SYT2: variants seen among roughly 807,000 people sequenced by gnomAD.
SYT2 encodes the protein synaptotagmin-2.
In SYT2, 15 loss-of-function variants were observed where a neutral mutation model predicts 39.9. The observed-to-expected ratio is 0.38, with a 90% CI of 0.25 to 0.58. The LOEUF is 0.58. SYT2 is among the 20% of genes least tolerant of loss of function. The pLI is 0.70. For synonymous variants in SYT2, 181 were observed against 204.5 expected, an observed-to-expected ratio of 0.89 and a Z score of 0.98; for missense variants, 389 against 530.3, an observed-to-expected ratio of 0.73 and a Z score of 2.62.
At chr1:202,673,271 A>C (rs1653220900) in intron 1 of SYT2, among the ~76,000 whole-genome samples, 1 of 152,236 alleles carries the variant, frequency 6.6e-6, no homozygotes, top group African/African-American at 2.4e-5. Context: ...AATAAACAGC[A>C]AGACCCTGTG....
At chr1:202,678,613 A>G (rs749990494) in intron 1 of SYT2, among the ~76,000 whole-genome samples, 1 of 151,954 alleles carries the variant, frequency 6.6e-6, no homozygotes, top group Middle Eastern at 3.4e-3. Flanking sequence ...CCCCCTCCCT[A>G]TAGGCCTCGA....
chr1:202,634,469 G>A (rs755064075), intron 1 of SYT2, among the ~76,000 whole-genome samples: 17 of 152,078 alleles, frequency 1.1e-4, no homozygotes, highest in Non-Finnish European at 2.2e-4. Context: ...CTCCAGCCTG[G>A]GCAACAAGAG....
At chr1:202,642,327 G>GGCAGGC (rs1370963440) in intron 1 of SYT2, among the ~76,000 whole-genome samples, 1 of 151,818 alleles carries the variant, frequency 6.6e-6, no homozygotes, top group Non-Finnish European at 1.5e-5. Context: ...CAGAGGCTCG[G>GGCAGGC]GCAGGCGTGC....
rs184494147 is a variant in SYT2 at position 202,623,175 on chromosome 1, G to A, written c.-17-17386C>T. On this transcript the variant is annotated intron_variant, in intron 1 of 8. Transcript: ENST00000367268. The surrounding 1 kb of genome is among the most constrained non-coding windows in gnomAD (Gnocchi z 4.2). ...CCCTCCGCTCTGCCACCCCAGCCAG[G>A]ATCACAACTTGAAACAGGACAGAGA... Among the ~76,000 whole-genome samples the A allele has an allele frequency of 3.9e-5, 6 of 152,324 alleles. No homozygotes were observed. The highest frequency in any genetic ancestry group is 7.4e-5 in the Non-Finnish European group (5 of 68,022).
chr1:202,683,740 T>TA (rs36091072), intron 1 of SYT2, among the ~76,000 whole-genome samples: 120,065 of 132,640 alleles, frequency 0.91, 54,430 homozygotes, highest in South Asian at 0.97. Context: ...AGACCCTGTT[T>TA]AAAAAAAAAA....
chr1:202,610,378 C>A (rs1305914254), intron 1 of SYT2, among the ~76,000 whole-genome samples: 3 of 152,136 alleles, frequency 2.0e-5, no homozygotes, highest in Non-Finnish European at 4.4e-5. Flanking sequence ...ACTGAATGGG[C>A]AAAAACTGGA....
intron 1 of SYT2, among the ~76,000 whole-genome samples, chr1:202,706,997 T>C (rs1159755481): frequency 6.6e-6 from 1 of 152,200 alleles, no homozygotes; most frequent in East Asian, 1.9e-4. Context: ...CCTTCATAAC[T>C]CTTGGCACAG....
At chr1:202,699,915 G>GGCC (rs962527549) in intron 1 of SYT2, among the ~76,000 whole-genome samples, 29 of 151,848 alleles carry the variant, frequency 1.9e-4, no homozygotes, top group Admixed American at 3.3e-4. Flanking sequence ...TCCCTCTCTG[G>GGCC]GCCTTGTCTT....
chr1:202,604,421 C>T, intron 3 of SYT2, 34 bp downstream of exon 3: 1 of 1,606,586 alleles, frequency 6.2e-7, no homozygotes, highest in Non-Finnish European at 8.5e-7. Flanking sequence ...GGGCTGAGCC[C>T]CTTCCAGTCC....
chr1:202,667,708 A>C (rs1692507922), intron 1 of SYT2, among the ~76,000 whole-genome samples: 1 of 151,590 alleles, frequency 6.6e-6, no homozygotes, highest in Non-Finnish European at 1.5e-5. Flanking sequence ...TTTTTATTTT[A>C]TTTTATTTTA....
chr1:202,619,544 G>T (rs1302960311), intron 1 of SYT2, among the ~76,000 whole-genome samples: 1 of 152,220 alleles, frequency 6.6e-6, no homozygotes, highest in East Asian at 1.9e-4. Flanking sequence ...TTAAAATGCA[G>T]ACCCTCTGCC....
intron 1 of SYT2, among the ~76,000 whole-genome samples, chr1:202,645,499 G>T (rs1692062038): frequency 6.6e-6 from 1 of 152,190 alleles, no homozygotes; most frequent in Non-Finnish European, 1.5e-5. Context: ...GACAGGGAAA[G>T]CTTATGCCTT....
chr1:202,632,852 T>C (rs1310100376), intron 1 of SYT2: 2 of 152,278 alleles, frequency 1.3e-5, no homozygotes, highest in Admixed American at 6.5e-5. Context: ...GGAGAAGTTA[T>C]TTCCCTGTTC....
intron 1 of SYT2, among the ~76,000 whole-genome samples, chr1:202,643,991 G>C: frequency 6.6e-6 from 1 of 152,294 alleles, no homozygotes; most frequent in Middle Eastern, 3.4e-3. Context: ...GATTTGCTTC[G>C]GGAGATAAGG....
At chr1:202,661,394 C>T (rs892078929) in intron 1 of SYT2, among the ~76,000 whole-genome samples, 5 of 152,042 alleles carry the variant, frequency 3.3e-5, no homozygotes, top group African/African-American at 1.2e-4. Flanking sequence ...TCGCCTTCCT[C>T]CCCAGCTCAC....
chr1:202,625,099 TGTGTGTGGTGTGTGTG>T, intron 1 of SYT2, among the ~76,000 whole-genome samples: 1 of 1,014 alleles, frequency 9.9e-4, no homozygotes, highest in African/African-American at 2.4e-3. Context: ...GTGTGTGGTA[TGTGTGTGGTGTGTGTG>T]GTATGTGTGT....
At chr1:202,693,407 G>T (rs551211719) in intron 1 of SYT2, among the ~76,000 whole-genome samples, 2 of 152,110 alleles carry the variant, frequency 1.3e-5, no homozygotes, top group Non-Finnish European at 2.9e-5. Flanking sequence ...TCTACTCATC[G>T]CCTGCATCTG....
In SYT2 at chr1:202,605,673, C is replaced by T; in HGVS notation, c.100G>A (p.Gly34Arg). Residue 34 changes from glycine to arginine, a missense_variant, in exon 2 of 9, where the codon GGG becomes AGG. Physicochemically the swap from Gly to Arg is moderately radical, Grantham distance 125. Coordinates refer to ENST00000367268, the MANE Select transcript of SYT2 (RefSeq NM_177402.5). ...TCCTCCTGGCTCTCCCCAGCACCCC[C>T]ACTCTCAGTGGAGTTGTCCACGGGT... ...IGPVDNSTES[G>R]GAGESQEDMF... 6.2e-7 allele frequency: 1 copy of T among 1,614,036 alleles called. No homozygotes were observed. The highest frequency in any genetic ancestry group is 1.3e-5 in the African/African-American group (1 of 75,044).
chr1:202,638,224 A>G (rs1691795738), intron 1 of SYT2, among the ~76,000 whole-genome samples: 1 of 152,242 alleles, frequency 6.6e-6, no homozygotes, highest in Non-Finnish European at 1.5e-5. Flanking sequence ...CAGCTGGGGA[A>G]AGGCTGTGGG....
Sources: allele counts gnomAD v4.1 joint callset (sites outside exome capture counted in the v4.1 genomes callset), GRCh38; gene constraint gnomAD v4.1.1; non-coding constraint Gnocchi (gnomAD v3.1); transcripts MANE v1.5; gene names NCBI Gene and HGNC (gene_info 2026-07-23, HGNC 2026-07-21).